PTPRD: variants seen among roughly 807,000 people sequenced by gnomAD.
PTPRD encodes the protein receptor-type tyrosine-protein phosphatase delta.
A neutral mutation model predicts 214.5 loss-of-function variants in PTPRD; 34 were observed. The ratio of observed to expected loss-of-function variants is 0.16; its 90% CI spans 0.12 to 0.21. PTPRD has a LOEUF of 0.21. Ranked by LOEUF, PTPRD falls within the 10% of genes least tolerant of loss-of-function variation. The probability of loss-of-function intolerance (pLI) is 1.00; values close to 1 mark genes in which losing one functional copy is unlikely to be tolerated. For missense variants in PTPRD, 2,545 were observed against 2,398.7 expected, an observed-to-expected ratio of 1.06 and a Z score of -1.27; for synonymous variants, 1,128 against 845.7, an observed-to-expected ratio of 1.33 and a Z score of -5.79.
At chr9:9,846,682 A>C (rs2059589690) in intron 5 of PTPRD, among the ~76,000 whole-genome samples, 1 of 152,124 alleles carries the variant, frequency 6.6e-6, no homozygotes, top group Non-Finnish European at 1.5e-5. Flanking sequence ...TAAGAAAGCT[A>C]CCCAGCTTGT....
At chr9:10,476,731 T>A (rs949984191) in intron 2 of PTPRD, among the ~76,000 whole-genome samples, 3 of 152,004 alleles carry the variant, frequency 2.0e-5, no homozygotes, top group African/African-American at 7.2e-5. Context: ...CTACCTGACT[T>A]CAAACTACAT....
chr9:9,852,171 T>A (rs994772676), intron 5 of PTPRD, among the ~76,000 whole-genome samples: 22 of 151,920 alleles, frequency 1.4e-4, no homozygotes, highest in African/African-American at 3.9e-4. Context: ...AAAAAAAAAA[T>A]TTGTTTTTGA....
At chr9:9,370,219 G>A (rs1344255564) in intron 9 of PTPRD, among the ~76,000 whole-genome samples, 1 of 152,022 alleles carries the variant, frequency 6.6e-6, no homozygotes, top group Non-Finnish European at 1.5e-5. Flanking sequence ...CCATTTTCAC[G>A]ATATTGATTC....
chr9:10,362,570 T>A (rs1301285043), intron 2 of PTPRD, among the ~76,000 whole-genome samples: 2 of 152,054 alleles, frequency 1.3e-5, no homozygotes, highest in Admixed American at 1.3e-4. Flanking sequence ...CACAATCGAG[T>A]GATAACAGCT....
chr9:9,965,087 C>G (rs1045015084), intron 4 of PTPRD, among the ~76,000 whole-genome samples: 5 of 152,122 alleles, frequency 3.3e-5, no homozygotes, highest in Non-Finnish European at 7.4e-5. Context: ...TGAGGATGCA[C>G]AAACACACAC....
At chr9:10,509,629 T>C (rs904839824) in intron 2 of PTPRD, among the ~76,000 whole-genome samples, 3 of 144,908 alleles carry the variant, frequency 2.1e-5, no homozygotes, top group East Asian at 2.1e-4. Context: ...CCAGGTACAT[T>C]TGGCGTTTTT....
intron 14 of PTPRD, 98 bp from the exon 15 acceptor site, chr9:8,528,877 T>A (rs547162205): frequency 1.7e-6 from 2 of 1,188,770 alleles, no homozygotes; most frequent in East Asian, 2.5e-5. Context: ...ACTCAGTGCT[T>A]GTTGAGAACC....
intron 34 of PTPRD, among the ~76,000 whole-genome samples, chr9:8,449,245 TCCTC>T (rs1397082958): frequency 6.6e-6 from 1 of 151,996 alleles, no homozygotes; most frequent in African/African-American, 2.4e-5. Context: ...TACCTCATTT[TCCTC>T]CCTCCCTCCC....
intron 9 of PTPRD, among the ~76,000 whole-genome samples, chr9:9,372,161 G>A (rs201065188): frequency 6.6e-6 from 1 of 151,822 alleles, no homozygotes; most frequent in Non-Finnish European, 1.5e-5. Flanking sequence ...CAATTCCTGG[G>A]TATCCTTGTT....
At chr9:10,033,180 G>C (rs1055306911) in intron 4 of PTPRD, among the ~76,000 whole-genome samples, 7 of 151,598 alleles carry the variant, frequency 4.6e-5, no homozygotes, top group Non-Finnish European at 1.0e-4. Context: ...ATGAGAGAGA[G>C]AGAGTTGGCA....
chr9:8,456,953 T>C (rs2096229984), intron 33 of PTPRD, among the ~76,000 whole-genome samples: 1 of 152,206 alleles, frequency 6.6e-6, no homozygotes, highest in South Asian at 2.1e-4. Context: ...GTTTATTTTT[T>C]ATATAAATAA....
chr9:8,319,773 G>A (rs1373167747), intron 45 of PTPRD, 58 bp downstream of exon 45: 9 of 1,604,822 alleles, frequency 5.6e-6, no homozygotes, highest in Middle Eastern at 1.7e-4. Context: ...AGTCCGGGAG[G>A]TCCAGGCTAG....
intron 11 of PTPRD, among the ~76,000 whole-genome samples, chr9:8,829,978 G>C (rs1166926427): frequency 6.6e-6 from 1 of 152,074 alleles, no homozygotes; most frequent in African/African-American, 2.4e-5. Context: ...AGACCTTTCA[G>C]AAAATATTTA....
intron 14 of PTPRD, among the ~76,000 whole-genome samples, chr9:8,540,676 A>G (rs759037800): frequency 2.5e-4 from 38 of 152,140 alleles, no homozygotes; most frequent in South Asian, 1.4e-3. Flanking sequence ...TTTTAAGCCA[A>G]ACTTTCAAAA....
chr9:9,189,199 G>A lies in PTPRD; in HGVS notation c.-202-5836C>T, dbSNP rs146058917. ...TTATTTTATGATTATCACATAGAAG[G>A]TGCTTTTGAAAAAATATCCTCTAGA... On this transcript the variant is annotated intron_variant, in intron 9 of 45. Coordinates refer to ENST00000381196, the MANE Select transcript of PTPRD (RefSeq NM_002839.4). Among the ~76,000 whole-genome samples the A allele has an allele frequency of 8.7e-3, 1,318 of 152,054 alleles. 15 individuals carry two copies. Among genetic ancestry groups the A allele is most frequent in the Non-Finnish European group, 0.013 (878 of 67,948 alleles).
intron 9 of PTPRD, among the ~76,000 whole-genome samples, chr9:9,326,672 A>T (rs1162531257): frequency 6.6e-6 from 1 of 152,102 alleles, no homozygotes; most frequent in Non-Finnish European, 1.5e-5. Flanking sequence ...AGCAAGTAAG[A>T]TAAAGACAAA....
At chr9:8,528,523 A>T (rs2139442930) in intron 15 of PTPRD, 68 bp downstream of exon 15, 1 of 1,311,712 alleles carries the variant, frequency 7.6e-7, no homozygotes, top group Non-Finnish European at 1.1e-6. Flanking sequence ...AAAATTAAAA[A>T]TAAGGAGAGA....
At chr9:9,159,725 T>C (rs2099884723) in intron 10 of PTPRD, among the ~76,000 whole-genome samples, 1 of 152,102 alleles carries the variant, frequency 6.6e-6, no homozygotes, top group African/African-American at 2.4e-5. Context: ...TAAATTCGTA[T>C]GGAACTACAA....
At chr9:10,543,045 C>G (rs770684067) in intron 2 of PTPRD, among the ~76,000 whole-genome samples, 4 of 152,066 alleles carry the variant, frequency 2.6e-5, no homozygotes, top group Admixed American at 6.6e-5. Flanking sequence ...TCTACCTCAA[C>G]AGGACAATTT....
Sources: allele counts gnomAD v4.1 joint callset (sites outside exome capture counted in the v4.1 genomes callset), GRCh38; gene constraint gnomAD v4.1.1; transcripts MANE v1.5; gene names NCBI Gene and HGNC (gene_info 2026-07-23, HGNC 2026-07-21).